RECQL: variants seen among roughly 807,000 people sequenced by gnomAD.
The protein encoded by RECQL is RecQ like helicase.
Under a neutral mutation model 75.8 loss-of-function variants are expected in RECQL, and 73 were observed. That is an observed-to-expected ratio of 0.96 (90% CI 0.80 to 1.17). The LOEUF (loss-of-function observed/expected upper bound fraction) is 1.17, where lower values mean the gene tolerates loss of function less well. RECQL is among the 50% of genes most tolerant of loss of function. The pLI is 0.00. For synonymous variants in RECQL, 248 were observed against 254.4 expected (o/e 0.97, Z 0.24); for missense variants, 699 against 772.1 (o/e 0.91, Z 1.12).
Position 21,471,463 on chromosome 12 carries a change from C to T in RECQL, c.1632G>A (p.Lys544=). The change falls in exon 13 of 15, where the codon AAG becomes AAA. Residue 544 remains lysine, a synonymous_variant. Coordinates refer to ENST00000444129, the MANE Select transcript of RECQL (RefSeq NM_002907.4). ...APTLPREDLE[K]IIAHFLIQQY... ...GCTGTATTAGAAAGTGTGCAATAAT[C>T]TTCTCCAGATCTTCACGAGGAAGTG... The T allele has an allele frequency of 6.2e-7, 1 of 1,613,012 alleles. No individual in the cohort carries two copies. Among genetic ancestry groups the T allele is most frequent in the Non-Finnish European group, 8.5e-7 (1 of 1,179,350 alleles).
At chr12:21,495,781 A>G (rs984691855) in intron 2 of RECQL, among the ~76,000 whole-genome samples, 2 of 152,338 alleles carry the variant, frequency 1.3e-5, no homozygotes, top group Non-Finnish European at 2.9e-5. Flanking sequence ...ATGAAGCAGT[A>G]GACATATTTT....
At chr12:21,500,538 T>A (rs1397329108) in intron 1 of RECQL, among the ~76,000 whole-genome samples, 1 of 152,252 alleles carries the variant, frequency 6.6e-6, no homozygotes, top group African/African-American at 2.4e-5. Flanking sequence ...GACTCTTTTT[T>A]GCCTTGCTAA....
chr12:21,470,837 A>C, intron 14 of RECQL, 132 bp downstream of exon 14: 1 of 559,362 alleles, frequency 1.8e-6, no homozygotes. Context: ...TCTCTTCCAT[A>C]CCCAGAAATC....
chr12:21,477,783 T>C lies in RECQL; in HGVS notation c.867+20A>G, dbSNP rs747354374. The C allele has an allele frequency of 4.9e-5, 77 of 1,572,314 alleles. No homozygotes were observed. The highest frequency in any genetic ancestry group is 6.3e-5 in the Non-Finnish European group (72 of 1,151,322). On this transcript the variant is annotated intron_variant, in intron 7 of 14. Coordinates refer to ENST00000444129, the MANE Select transcript of RECQL (RefSeq NM_002907.4). ...CGTAATTCTTCACAAAAGTAAGGAA[T>C]TGACATAAAAATTACATACCTCATA...
chr12:21,486,510 G>T lies in RECQL; in HGVS notation c.470C>A (p.Ser157Ter). The T allele has an allele frequency of 6.3e-7, 1 of 1,597,556 alleles. No homozygotes were observed. ...QLMVLKQLGI[S>*]ATMLNASSSK... is the part of the protein sequence containing the mutation. Reference sequence around the variant, plus strand: ...ACTAGAAGCATTTAACATGGTTGCTGAAATTCCTAATTGTTTTAAAACCAT... The same window carrying T: ...ACTAGAAGCATTTAACATGGTTGCTTAAATTCCTAATTGTTTTAAAACCAT... Residue 157 changes from serine to a stop codon, truncating the protein, a stop_gained, in exon 5 of 15, where the codon TCA (serine) becomes TAA (stop). Transcript: ENST00000444129. LOFTEE classifies it high-confidence loss of function.
Position 21,471,595 on chromosome 12 carries a change from C to G in RECQL, c.1500G>C (p.Leu500=). 6.2e-7 allele frequency: 1 copy of G among 1,612,720 alleles called. No individual in the cohort carries two copies. The highest frequency in any genetic ancestry group is 1.7e-4 in the Middle Eastern group (1 of 6,050). The change falls in exon 13 of 15, where the codon CTG becomes CTC. Residue 500 remains leucine, a synonymous_variant. Coordinates refer to ENST00000444129, the MANE Select transcript of RECQL (RefSeq NM_002907.4). ...TEYCRDLIKI[L]KQAEELNEKL... ...TTTCATTCAGTTCCTCTGCCTGCTTCAGGATCTTGATTAGATCTCTGCAGT... is the reference window on the plus strand; with the variant it reads ...TTTCATTCAGTTCCTCTGCCTGCTTGAGGATCTTGATTAGATCTCTGCAGT...
At chr12:21,490,859 C>G (rs1160588426) in intron 3 of RECQL, among the ~76,000 whole-genome samples, 1 of 149,808 alleles carries the variant, frequency 6.7e-6, no homozygotes, top group Non-Finnish European at 1.5e-5. Context: ...ATCTCAAAAA[C>G]AAAAAAAAAG....
chr12:21,481,021 T>G (rs1943182215), intron 6 of RECQL, among the ~76,000 whole-genome samples: 1 of 152,224 alleles, frequency 6.6e-6, no homozygotes, highest in Non-Finnish European at 1.5e-5. Flanking sequence ...TTCACAATTC[T>G]TTCTAAAAAA....
rs559465232 is a variant in RECQL, at chr12:21,471,374, T to A, written c.1667+54A>T. On this transcript the variant is annotated intron_variant, in intron 13 of 14. Coordinates refer to ENST00000444129, the MANE Select transcript of RECQL (RefSeq NM_002907.4). ...AAACCGTTTATTCTGTTGCAATTTTTAAAAAAAAACCATAAAGACAACCTG... is the reference window on the plus strand; with the variant it reads ...AAACCGTTTATTCTGTTGCAATTTTAAAAAAAAAACCATAAAGACAACCTG... 9.5e-6 allele frequency: 14 copies of A among 1,475,660 alleles called. No homozygotes were observed. The East Asian group carries it at 2.1e-4, about 22-fold the overall frequency. 91.4% of individuals were successfully genotyped at this position (1,475,660 alleles called of 1,614,324 possible).
chr12:21,494,823 T>A (rs1943475522), intron 2 of RECQL, among the ~76,000 whole-genome samples: 1 of 152,180 alleles, frequency 6.6e-6, no homozygotes, highest in Non-Finnish European at 1.5e-5. Context: ...CTGTTCTCTG[T>A]AAGCTAGGAA....
intron 2 of RECQL, among the ~76,000 whole-genome samples, chr12:21,493,607 CACTG>C (rs1343909354): frequency 6.6e-6 from 1 of 152,190 alleles, no homozygotes; most frequent in East Asian, 1.9e-4. Context: ...AAAGTCAGCA[CACTG>C]ACTGGGAAGG....
At position 21,476,994 on chromosome 12, in the gene RECQL, T is replaced by TA. The variant is rs762736004; in HGVS notation, c.868-3dup. The TA allele has an allele frequency of 2.8e-5, 45 of 1,599,154 alleles. No individual in the cohort carries two copies. Among genetic ancestry groups the TA allele is most frequent in the South Asian group, 1.9e-4 (17 of 88,268 alleles). On this transcript the variant is annotated splice_polypyrimidine_tract_variant and splice_region_variant and intron_variant, in intron 7 of 14. Transcript: ENST00000444129. ...AGTGTTTGAGGGCTTCTGCCGAACC[T>TA]AAAAAAAACTTAACTTATTAAAAAG...
At chr12:21,479,195 G>A (rs752815949) in intron 6 of RECQL, among the ~76,000 whole-genome samples, 3 of 152,022 alleles carry the variant, frequency 2.0e-5, no homozygotes, top group Non-Finnish European at 2.9e-5. Context: ...CAGTAAAACC[G>A]TTATCCCATA....
chr12:21,495,415 T>G (rs1159090701), intron 2 of RECQL, among the ~76,000 whole-genome samples: 4 of 151,984 alleles, frequency 2.6e-5, no homozygotes, highest in African/African-American at 9.7e-5. Context: ...GCTAACATGG[T>G]GAAACCCCGT....
chr12:21,475,111 T>C, intron 10 of RECQL, 132 bp from the exon 11 acceptor site: 1 of 815,406 alleles, frequency 1.2e-6, no homozygotes. Flanking sequence ...GGAAGTTAAT[T>C]TGTAATGGGT....
Position 21,486,593 on chromosome 12 carries a change from A to AC in RECQL, c.395-9_395-8insG. On this transcript the variant is annotated splice_polypyrimidine_tract_variant and intron_variant, in intron 4 of 14. Coordinates refer to ENST00000444129, the MANE Select transcript of RECQL (RefSeq NM_002907.4). ...AAATGACGAGTGTAAAACCTAAAAG[A>AC]GAAAAAAAAAAAAATCTACCTTAAA... 1 of 1,531,754 alleles carries AC rather than the reference A, an allele frequency of 6.5e-7. No homozygotes were observed. The highest frequency in any genetic ancestry group is 8.8e-7 in the Non-Finnish European group (1 of 1,142,686). 94.9% of individuals were successfully genotyped at this position (1,531,754 alleles called of 1,614,324 possible). A position where few individuals can be genotyped will look rare whatever the true frequency, so the allele number is the denominator to read the frequency against.
chr12:21,471,301 G>T, intron 13 of RECQL, 127 bp downstream of exon 13: 3 of 989,564 alleles, frequency 3.0e-6, no homozygotes, highest in Non-Finnish European at 4.3e-6. Context: ...GAGTGTTTTA[G>T]GTAAATTACT....
chr12:21,479,558 G>A (rs1246920032), intron 6 of RECQL, among the ~76,000 whole-genome samples: 2 of 151,952 alleles, frequency 1.3e-5, no homozygotes, highest in East Asian at 3.9e-4. Context: ...TCACCACGTT[G>A]GCCAGGCTGG....
At chr12:21,499,054 C>T (rs1237758910) in intron 2 of RECQL, among the ~76,000 whole-genome samples, 2 of 152,242 alleles carry the variant, frequency 1.3e-5, no homozygotes, top group East Asian at 1.9e-4. Context: ...ATAATTTGTA[C>T]CTGCTCTTTT....
Sources: allele counts gnomAD v4.1 joint callset (sites outside exome capture counted in the v4.1 genomes callset), GRCh38; gene constraint gnomAD v4.1.1; transcripts MANE v1.5; gene names NCBI Gene and HGNC (gene_info 2026-07-23, HGNC 2026-07-21).